MACF1: variants seen among roughly 807,000 people sequenced by gnomAD.
MACF1 encodes the protein microtubule actin crosslinking factor 1, also known as microtubule-actin cross-linking factor 1.
MACF1 carries 193 observed loss-of-function variants against 854.8 expected under a neutral mutation model. The observed-to-expected ratio is 0.23, with a 90% CI of 0.20 to 0.25. The LOEUF is 0.25. Among genes scored for constraint, MACF1 ranks in the 10% least tolerant of loss-of-function variants. MACF1 has a pLI of 1.00. For missense variants in MACF1, 7,722 were observed against 8,929.1 expected, an observed-to-expected ratio of 0.86 and a Z score of 5.45; for synonymous variants, 3,185 against 3,226.7, an observed-to-expected ratio of 0.99 and a Z score of 0.44.
At chr1:39,251,435 G>T (rs942611111) in intron 3 of MACF1, among the ~76,000 whole-genome samples, 2 of 152,052 alleles carry the variant, frequency 1.3e-5, no homozygotes, top group Non-Finnish European at 2.9e-5. Context: ...ATCTTTTTTG[G>T]TTGTATTGCT....
At chr1:39,162,189 A>G (rs1643812833) in intron 2 of MACF1, among the ~76,000 whole-genome samples, 1 of 151,776 alleles carries the variant, frequency 6.6e-6, no homozygotes, top group Non-Finnish European at 1.5e-5. Context: ...TTTAGTAGAG[A>G]TGGGGTTTCG....
intron 49 of MACF1, among the ~76,000 whole-genome samples, chr1:39,362,987 A>G (rs975694201): frequency 6.6e-6 from 1 of 152,188 alleles, no homozygotes; most frequent in Non-Finnish European, 1.5e-5. Context: ...GTTTTATTCT[A>G]CAATAAATAT....
intron 31 of MACF1, among the ~76,000 whole-genome samples, chr1:39,319,974 C>T (rs1054560783): frequency 3.3e-5 from 5 of 152,124 alleles, no homozygotes; most frequent in Non-Finnish European, 7.4e-5. Flanking sequence ...TTTGCGTGAC[C>T]GTAGGCCCTT....
chr1:39,156,768 A>G (rs1421948477), intron 2 of MACF1, among the ~76,000 whole-genome samples: 1 of 152,188 alleles, frequency 6.6e-6, no homozygotes, highest in African/African-American at 2.4e-5. Context: ...ACGGTCTTTA[A>G]GCACTAAACT....
In MACF1 at chr1:39,319,712, C is replaced by G. The variant is rs146466275; in HGVS notation, c.3994C>G (p.Gln1332Glu). The G allele has an allele frequency of 1.6e-4, 265 of 1,613,420 alleles. No homozygotes were observed. The highest frequency in any genetic ancestry group is 2.1e-4 in the Non-Finnish European group (250 of 1,179,740). Residue 1332 changes from glutamine (Q) to glutamate (E), a missense_variant, in exon 31 of 101, where the codon CAA (glutamine) becomes GAA (glutamate). Around this residue, in one of 15 missense-constraint regions of MACF1, gnomAD observed 1,137 missense variants for 1,263.0 expected, o/e 0.90. Coordinates refer to ENST00000564288, the MANE Select transcript of MACF1 (RefSeq NM_001394062.1). Reference sequence around the variant, plus strand: ...AAATCAGACAAAACTGGATCAATGTCAAAAATTTTCCCAGCAGTACTCTAC... The same window carrying G: ...AAATCAGACAAAACTGGATCAATGTGAAAAATTTTCCCAGCAGTACTCTAC... ...ERNQTKLDQC[Q>E]KFSQQYSTIV... is the part of the protein sequence containing the mutation.
chr1:39,282,405 A>G (rs1645564473), intron 7 of MACF1, 31 bp downstream of exon 7: 2 of 1,595,938 alleles, frequency 1.3e-6, no homozygotes, highest in South Asian at 1.1e-5. Flanking sequence ...GTGCTCCTGC[A>G]GGGCTTTTTC....
intron 83 of MACF1, 43 bp downstream of exon 83, chr1:39,448,195 G>A (rs770736708): frequency 3.2e-6 from 5 of 1,571,408 alleles, no homozygotes; most frequent in South Asian, 1.2e-5. Flanking sequence ...CATAGTATTC[G>A]CTAAAGCTTG....
At chr1:39,399,640 G>A (rs2148590313) in intron 58 of MACF1, among the ~76,000 whole-genome samples, 1 of 152,056 alleles carries the variant, frequency 6.6e-6, no homozygotes, top group East Asian at 1.9e-4. Flanking sequence ...GCCTCCCAAA[G>A]TGCTGGGATT....
chr1:39,161,570 C>CA (rs1289365037), intron 2 of MACF1, among the ~76,000 whole-genome samples: 1 of 151,892 alleles, frequency 6.6e-6, no homozygotes, highest in African/African-American at 2.4e-5. Flanking sequence ...AAAAACAATA[C>CA]AAAAACTAGC....
chr1:39,278,093 G>A (rs1645471454), intron 6 of MACF1, among the ~76,000 whole-genome samples: 1 of 152,204 alleles, frequency 6.6e-6, no homozygotes, highest in Non-Finnish European at 1.5e-5. Context: ...TGTTGAGGCT[G>A]TTCTCCCTCT....
chr1:39,321,972 G>A (rs184004778), intron 31 of MACF1, among the ~76,000 whole-genome samples: 15 of 152,306 alleles, frequency 9.8e-5, no homozygotes, highest in African/African-American at 1.9e-4. Context: ...AGAGGCTACC[G>A]CACTTATAAG....
At chr1:39,123,170 A>G (rs1181389398) in intron 2 of MACF1, among the ~76,000 whole-genome samples, 1 of 150,920 alleles carries the variant, frequency 6.6e-6, no homozygotes, top group Non-Finnish European at 1.5e-5. Flanking sequence ...GACCAGCAGC[A>G]TCTGATAGCT....
chr1:39,309,542 TAA>T, intron 23 of MACF1, 26 bp from the exon 24 acceptor site: 1 of 1,613,196 alleles, frequency 6.2e-7, no homozygotes. Context: ...CTTACAAAGG[TAA>T]TAGTCAGGTT....
chr1:39,420,661 G>T (rs536125708), intron 58 of MACF1, among the ~76,000 whole-genome samples: 1 of 152,082 alleles, frequency 6.6e-6, no homozygotes, highest in African/African-American at 2.4e-5. Flanking sequence ...TAATCCTAGT[G>T]TGGTCTGTAG....
intron 26 of MACF1, among the ~76,000 whole-genome samples, chr1:39,314,544 CTCTT>C (rs1171705514): frequency 8.1e-4 from 104 of 128,190 alleles, no homozygotes; most frequent in African/African-American, 2.8e-3. Context: ...CTCTCAATTT[CTCTT>C]TCTCTCTCTC....
intron 58 of MACF1, among the ~76,000 whole-genome samples, chr1:39,395,239 C>T (rs900147685): frequency 2.0e-5 from 3 of 152,100 alleles, no homozygotes; most frequent in Non-Finnish European, 4.4e-5. Flanking sequence ...AAAATGTCTC[C>T]CTGGAAGGCA....
intron 2 of MACF1, among the ~76,000 whole-genome samples, chr1:39,170,554 G>A: frequency 6.6e-6 from 1 of 151,714 alleles, no homozygotes; most frequent in South Asian, 2.1e-4. Flanking sequence ...AGGACTCTAA[G>A]TGAGGACAAA....
At chr1:39,444,965 C>T in intron 80 of MACF1, 130 bp downstream of exon 80, 1 of 747,228 alleles carries the variant, frequency 1.3e-6, no homozygotes, top group Non-Finnish European at 2.1e-6. Flanking sequence ...CTGATTCCAT[C>T]TGTGTTGAGT....
intron 69 of MACF1, 129 bp downstream of exon 69, chr1:39,434,761 T>TAA: frequency 1.4e-6 from 1 of 713,012 alleles, no homozygotes; most frequent in Non-Finnish European, 2.3e-6. Flanking sequence ...CAGTTAGAAT[T>TAA]CCTTTCATAA....
Sources: gnomAD v4.1 joint callset for allele counts (sites outside exome capture counted in the v4.1 genomes callset) on GRCh38, gnomAD v4.1.1 for gene constraint, gnomAD v4.1.1 regional missense constraint, MANE v1.5 for transcripts, NCBI Gene and HGNC (gene_info 2026-07-23, HGNC 2026-07-21) for gene names.